The following CFAP299 variants were observed in gnomAD, a reference collection of about 807,000 sequenced individuals.
CFAP299 encodes cilia and flagella associated protein 299.
CFAP299 carries 21 observed loss-of-function variants against 27.0 expected under a neutral mutation model. The ratio of observed to expected loss-of-function variants is 0.78; its 90% CI spans 0.55 to 1.12. The LOEUF is 1.12. Ranked by LOEUF, CFAP299 falls within the 50% of genes most tolerant of loss-of-function variation. CFAP299 has a pLI of 0.00. For synonymous variants in CFAP299, 104 were observed against 98.1 expected (o/e 1.06, Z -0.36); for missense variants, 310 against 276.6 (o/e 1.12, Z -0.86).
intron 4 of CFAP299, among the ~76,000 whole-genome samples, chr4:80,925,606 A>T (rs777358799): frequency 2.6e-5 from 4 of 152,060 alleles, no homozygotes; most frequent in African/African-American, 4.8e-5. Flanking sequence ...GACAAATGAA[A>T]GAGGAGGCAG....
At chr4:80,541,389 T>G (rs1733987929) in intron 2 of CFAP299, among the ~76,000 whole-genome samples, 1 of 152,210 alleles carries the variant, frequency 6.6e-6, no homozygotes, top group Non-Finnish European at 1.5e-5. Flanking sequence ...ATCAAAGTTT[T>G]AAATGTGTTA....
intron 2 of CFAP299, among the ~76,000 whole-genome samples, chr4:80,500,836 G>T (rs1731705518): frequency 6.6e-6 from 1 of 152,048 alleles, no homozygotes; most frequent in South Asian, 2.1e-4. Context: ...CACAGGAAGT[G>T]ATTTTACTTC....
At chr4:80,642,389 T>C (rs905158908) in intron 3 of CFAP299, among the ~76,000 whole-genome samples, 60 of 152,318 alleles carry the variant, frequency 3.9e-4, no homozygotes, top group Admixed American at 3.9e-3. Context: ...ATTAATTCCA[T>C]TTAGGCATTT....
intron 2 of CFAP299, chr4:80,386,495 C>T (rs1258914741): frequency 2.9e-5 from 44 of 1,536,124 alleles, no homozygotes; most frequent in Non-Finnish European, 3.0e-5. Context: ...GGGCTGCCCT[C>T]TTCTCGCGGG....
intron 1 of CFAP299, among the ~76,000 whole-genome samples, chr4:80,351,881 T>G (rs1723029733): frequency 6.7e-6 from 1 of 150,212 alleles, no homozygotes; most frequent in African/African-American, 2.4e-5. Context: ...TAATGATTTA[T>G]TAATAATTAT....
At chr4:80,343,681 C>A (rs980161935) in intron 1 of CFAP299, among the ~76,000 whole-genome samples, 1 of 150,680 alleles carries the variant, frequency 6.6e-6, no homozygotes, top group Admixed American at 6.6e-5. Context: ...CCCAGCTACT[C>A]GGGAGGCTGA....
intron 2 of CFAP299, among the ~76,000 whole-genome samples, chr4:80,456,983 CTTT>C (rs34551414): frequency 2.1e-5 from 3 of 142,820 alleles, no homozygotes; most frequent in Non-Finnish European, 3.1e-5. Flanking sequence ...ATTCCAAATG[CTTT>C]TTTTTTTTTT....
chr4:80,329,733 A>G, the CFAP299 span, among the ~76,000 whole-genome samples: 5 of 151,998 alleles, frequency 3.3e-5, no homozygotes, highest in Non-Finnish European at 5.9e-5. Context: ...CTGGAGTTGT[A>G]TTATTACCAT....
intron 3 of CFAP299, among the ~76,000 whole-genome samples, chr4:80,736,228 G>A (rs1411490522): frequency 1.3e-5 from 2 of 152,116 alleles, no homozygotes; most frequent in Non-Finnish European, 2.9e-5. Flanking sequence ...GAACGTTTAA[G>A]TCTTTAATCC....
At chr4:80,591,104 A>ATTTTTTTTTTTTTTTTTT (rs1339201630) in intron 3 of CFAP299, among the ~76,000 whole-genome samples, 6 of 116,498 alleles carry the variant, frequency 5.2e-5, no homozygotes, top group Admixed American at 9.2e-5. Context: ...TACTTTAGGA[A>ATTTTTTTTTTTTTTTTTT]ATTTTTTTTT....
intron 5 of CFAP299, among the ~76,000 whole-genome samples, chr4:80,949,548 A>AC (rs68052915): frequency 0.8 from 115,664 of 144,204 alleles, 46,446 homozygotes; most frequent in Non-Finnish European, 0.88. Context: ...AACAACAACA[A>AC]AAAAAAAAAG....
intron 2 of CFAP299, among the ~76,000 whole-genome samples, chr4:80,365,349 C>T (rs1040017096): frequency 1.7e-4 from 26 of 152,196 alleles, no homozygotes; most frequent in African/African-American, 4.6e-4. Context: ...TGATCAGTGA[C>T]GTTGAGCTTT....
At chr4:80,575,690 G>C (rs1439894368) in intron 2 of CFAP299, among the ~76,000 whole-genome samples, 1 of 83,908 alleles carries the variant, frequency 1.2e-5, no homozygotes, top group African/African-American at 2.7e-5. Flanking sequence ...GGTTTGTTTT[G>C]CTCTTGCTTT....
chr4:80,953,503 A>G (rs1236199606), intron 5 of CFAP299, among the ~76,000 whole-genome samples: 3 of 152,212 alleles, frequency 2.0e-5, no homozygotes, highest in Non-Finnish European at 4.4e-5. Flanking sequence ...GCTAAAATCA[A>G]TGGCCTTGAG....
intron 3 of CFAP299, among the ~76,000 whole-genome samples, chr4:80,592,810 A>G (rs898182196): frequency 2.6e-5 from 4 of 152,208 alleles, no homozygotes; most frequent in Non-Finnish European, 4.4e-5. Flanking sequence ...GTTGCATAAT[A>G]TTTGAAACAT....
At chr4:80,772,721 G>A (rs886403927) in intron 3 of CFAP299, among the ~76,000 whole-genome samples, 4 of 151,652 alleles carry the variant, frequency 2.6e-5, no homozygotes, top group South Asian at 2.1e-4. Context: ...CTTGCCCTCC[G>A]CCTCCCAAAA....
At chr4:80,504,145 T>C (rs913294275) in intron 2 of CFAP299, among the ~76,000 whole-genome samples, 1 of 151,902 alleles carries the variant, frequency 6.6e-6, no homozygotes, top group African/African-American at 2.4e-5. Flanking sequence ...TGGGAGGTTA[T>C]GAATGGCTTT....
chr4:80,865,731 A>G (rs1470033322), intron 3 of CFAP299, among the ~76,000 whole-genome samples: 1 of 151,992 alleles, frequency 6.6e-6, no homozygotes, highest in African/African-American at 2.4e-5. Flanking sequence ...ATGGAATACT[A>G]TGCAGCCATA....
chr4:80,362,297 G>A (rs746383282), intron 1 of CFAP299, among the ~76,000 whole-genome samples: 39 of 151,312 alleles, frequency 2.6e-4, no homozygotes, highest in Non-Finnish European at 5.0e-4. Flanking sequence ...TGACTTCAAG[G>A]AAGTAAGGCT....
Sources: allele counts gnomAD v4.1 joint callset (sites outside exome capture counted in the v4.1 genomes callset), GRCh38; gene constraint gnomAD v4.1.1; transcripts MANE v1.5; gene names NCBI Gene and HGNC (gene_info 2026-07-23, HGNC 2026-07-21).